MGST1: variants seen among roughly 807,000 people sequenced by gnomAD.
MGST1 encodes glutathione S-transferase 12.
A neutral mutation model predicts 8.9 loss-of-function variants in MGST1; 5 were observed. That is an observed-to-expected ratio of 0.56 (90% CI 0.29 to 1.19). The LOEUF is 1.19. Among genes scored for constraint, MGST1 ranks in the 50% most tolerant of loss-of-function variants. The pLI, the probability that MGST1 is intolerant of heterozygous loss-of-function variation, is 0.08. For missense variants in MGST1, 182 were observed against 187.4 expected, an observed-to-expected ratio of 0.97 and a Z score of 0.17; for synonymous variants, 54 against 67.8, an observed-to-expected ratio of 0.80 and a Z score of 1.00.
At chr12:16,501,964 A>C (rs1041067672) in intron 4 of MGST1, among the ~76,000 whole-genome samples, 2 of 152,156 alleles carry the variant, frequency 1.3e-5, no homozygotes, top group African/African-American at 4.8e-5. Context: ...TCTGGAGTAC[A>C]AATAATAAAC....
At chr12:16,356,088 A>G (rs1939702903) in intron 2 of MGST1, among the ~76,000 whole-genome samples, 1 of 152,168 alleles carries the variant, frequency 6.6e-6, no homozygotes, top group South Asian at 2.1e-4. Flanking sequence ...AATCTCATTC[A>G]TGAGGACTCC....
chr12:16,456,379 A>T (rs1941172560), intron 4 of MGST1, among the ~76,000 whole-genome samples: 1 of 151,928 alleles, frequency 6.6e-6, no homozygotes, highest in Admixed American at 6.6e-5. Context: ...TGAATAAAAA[A>T]ATATAGTTTA....
chr12:16,391,929 G>A (rs182857606), intron 1 of MGST1, among the ~76,000 whole-genome samples: 2 of 152,288 alleles, frequency 1.3e-5, no homozygotes, highest in East Asian at 3.9e-4. Flanking sequence ...TATGTGGCAT[G>A]AGGAAGGGGT....
At chr12:16,443,142 T>C (rs1941051912), downstream of MGST1, among the ~76,000 whole-genome samples, 1 of 151,836 alleles carries the variant, frequency 6.6e-6, no homozygotes, top group Non-Finnish European at 1.5e-5. Context: ...TTACTTTCGA[T>C]GCAATTATGT....
chr12:16,489,147 A>G (rs1232295867), intron 4 of MGST1, among the ~76,000 whole-genome samples: 1 of 152,112 alleles, frequency 6.6e-6, no homozygotes, highest in Non-Finnish European at 1.5e-5. Context: ...ATAAATAGGT[A>G]AATACTTATT....
At chr12:16,425,230 T>C (rs944197204) in intron 1 of MGST1, among the ~76,000 whole-genome samples, 4 of 152,158 alleles carry the variant, frequency 2.6e-5, no homozygotes, top group African/African-American at 9.7e-5. Flanking sequence ...AGTAATAAAA[T>C]AGCCATAATA....
In MGST1 at chr12:16,576,709, T is replaced by C. The variant is rs1943006569; in HGVS notation, n.483-12819T>C. Among the ~76,000 whole-genome samples the C allele has an allele frequency of 6.6e-6, 1 of 152,210 alleles. No individual in the cohort carries two copies. The highest frequency in any genetic ancestry group is 6.5e-5 in the Admixed American group (1 of 15,284). On this transcript the variant is annotated intron_variant and non_coding_transcript_variant, in intron 4 of 4. Coordinates refer to the MGST1 transcript ENST00000538857. This position sits in a 1 kb window ranked among gnomAD's most constrained non-coding sequence, Gnocchi z 4.1. ...ACTGCTGAATTAGAATGTAGAGATA[T>C]ATAAATGGAAATTAACATTCTTGCA... is the stretch of plus-strand genomic sequence containing the variant.
chr12:16,419,007 T>A (rs1940809794), intron 1 of MGST1, among the ~76,000 whole-genome samples: 1 of 152,154 alleles, frequency 6.6e-6, no homozygotes, highest in South Asian at 2.1e-4. Flanking sequence ...TCCAGGCTCA[T>A]GTGGCCTATT....
intron 4 of MGST1, among the ~76,000 whole-genome samples, chr12:16,452,551 T>C (rs1941138137): frequency 6.6e-6 from 1 of 151,804 alleles, no homozygotes; most frequent in Non-Finnish European, 1.5e-5. Context: ...CTCAAAACTA[T>C]TTAAGATACT....
chr12:16,513,462 T>A lies in MGST1; in HGVS notation n.483-76066T>A. The A allele has an allele frequency of 2.3e-6, 1 of 430,532 alleles. No homozygotes were observed. The highest frequency in any genetic ancestry group is 4.6e-6 in the Non-Finnish European group (1 of 217,254). 26.7% of individuals were successfully genotyped at this position (430,532 alleles called of 1,614,324 possible). On this transcript the variant is annotated intron_variant and non_coding_transcript_variant, in intron 4 of 4. Transcript: ENST00000538857. The surrounding 1 kb of genome is among the most constrained non-coding windows in gnomAD (Gnocchi z 4.2). Reference sequence around the variant, plus strand: ...GCCTTCCACCCGGGCTCGCCTCTGATGCCCCTGCCAGAGCCAGCTCCTGGT... The same window carrying A: ...GCCTTCCACCCGGGCTCGCCTCTGAAGCCCCTGCCAGAGCCAGCTCCTGGT...
At chr12:16,364,502 C>T (rs894649015), downstream of MGST1, 5 of 601,750 alleles carry the variant, frequency 8.3e-6, no homozygotes, top group Non-Finnish European at 8.3e-6. The surrounding 1 kb of genome is among the most constrained non-coding windows in gnomAD (Gnocchi z 5.7). Context: ...CCACTCTGTA[C>T]CCTGCTTAGA....
At chr12:16,421,156 C>G (rs1591722978) in intron 1 of MGST1, among the ~76,000 whole-genome samples, 1 of 152,098 alleles carries the variant, frequency 6.6e-6, no homozygotes, top group Non-Finnish European at 1.5e-5. Flanking sequence ...TTACTATACC[C>G]GTGGCTGCTG....
chr12:16,563,200 A>T (rs1942464967), intron 4 of MGST1, among the ~76,000 whole-genome samples: 1 of 152,156 alleles, frequency 6.6e-6, no homozygotes, highest in African/African-American at 2.4e-5. Flanking sequence ...CTGAGTGTGG[A>T]GATGCGGAAA....
chr12:16,412,463 T>C (rs1239164582), intron 1 of MGST1, among the ~76,000 whole-genome samples: 1 of 152,194 alleles, frequency 6.6e-6, no homozygotes, highest in Non-Finnish European at 1.5e-5. Context: ...ATAACAAGCA[T>C]TTAGAGAAAG....
downstream of MGST1, chr12:16,438,778 G>A (rs1413269403): frequency 6.6e-6 from 1 of 151,774 alleles, no homozygotes; most frequent in Non-Finnish European, 1.5e-5. Flanking sequence ...CTGTTTGCAT[G>A]TCTTATCTTT....
chr12:16,403,731 C>T (rs1408662130), intron 1 of MGST1, among the ~76,000 whole-genome samples: 1 of 152,078 alleles, frequency 6.6e-6, no homozygotes, highest in African/African-American at 2.4e-5. Flanking sequence ...AACTTATAGT[C>T]ATGGCAGAAG....
chr12:16,384,397 G>A (rs975674626), intron 1 of MGST1, among the ~76,000 whole-genome samples: 8 of 152,130 alleles, frequency 5.3e-5, no homozygotes, highest in Non-Finnish European at 1.2e-4. Flanking sequence ...GAAGAGAAGG[G>A]GAAACAGATG....
In MGST1 at chr12:16,586,483, A is replaced by G. The variant is rs562302233; in HGVS notation, n.483-3045A>G. Among the ~76,000 whole-genome samples the G allele has an allele frequency of 9.9e-5, 15 of 151,768 alleles. No homozygotes were observed. The South Asian group carries it at 2.9e-3, about 30-fold the overall frequency. ...TGGACAATGTGTCTGGACAAATCTCACGCTAAGCATTATCTTCTACGTCCA... is the reference window on the plus strand; with the variant it reads ...TGGACAATGTGTCTGGACAAATCTCGCGCTAAGCATTATCTTCTACGTCCA... On this transcript the variant is annotated intron_variant and non_coding_transcript_variant, in intron 4 of 4. Coordinates refer to the MGST1 transcript ENST00000538857. The surrounding 1 kb of genome is among the most constrained non-coding windows in gnomAD (Gnocchi z 4.3).
chr12:16,426,049 T>G (rs1940883433), intron 1 of MGST1, among the ~76,000 whole-genome samples: 1 of 152,220 alleles, frequency 6.6e-6, no homozygotes, highest in Admixed American at 6.5e-5. Flanking sequence ...TCCATTCTAT[T>G]GTCTTGACCA....
Sources: gnomAD v4.1 joint callset for allele counts (sites outside exome capture counted in the v4.1 genomes callset) on GRCh38, gnomAD v4.1.1 for gene constraint, Gnocchi (gnomAD v3.1) non-coding constraint, MANE v1.5 for transcripts, NCBI Gene and HGNC (gene_info 2026-07-23, HGNC 2026-07-21) for gene names.